DNAH14: variants seen among roughly 807,000 people sequenced by gnomAD.
The protein encoded by DNAH14 is axonemal beta dynein heavy chain 14.
Under a neutral mutation model 520.9 loss-of-function variants are expected in DNAH14, and 478 were observed. That is an observed-to-expected ratio of 0.92 (90% confidence interval 0.85 to 0.99). The LOEUF is 0.99. DNAH14 is among the 50% of genes least tolerant of loss of function. DNAH14 has a pLI of 0.00. For synonymous variants in DNAH14, 1,581 were observed against 1,757.2 expected (o/e 0.90, Z 2.51); for missense variants, 4,831 against 5,234.5 (o/e 0.92, Z 2.38).
chr1:225,316,042 G>T (rs1006413277), intron 60 of DNAH14, among the ~76,000 whole-genome samples: 5 of 152,218 alleles, frequency 3.3e-5, no homozygotes, highest in Non-Finnish European at 5.9e-5. Flanking sequence ...TTTCAGAGAT[G>T]CCCTGCCCAG....
At chr1:225,107,534 T>G (rs1871570) in intron 23 of DNAH14, among the ~76,000 whole-genome samples, 99,911 of 151,954 alleles carry the variant, frequency 0.66, 34,585 homozygotes, top group African/African-American at 0.87. Flanking sequence ...ACATGGAGTG[T>G]TTTTAAGGAA....
At chr1:225,131,415 C>T (rs1213028593) in intron 27 of DNAH14, among the ~76,000 whole-genome samples, 2 of 152,132 alleles carry the variant, frequency 1.3e-5, no homozygotes, top group African/African-American at 4.8e-5. Context: ...TTCCTTGGCT[C>T]ACAGCCCATT....
At chr1:225,076,542 G>A (rs752011301) in intron 17 of DNAH14, among the ~76,000 whole-genome samples, 5 of 152,108 alleles carry the variant, frequency 3.3e-5, no homozygotes, top group South Asian at 2.1e-4. Flanking sequence ...CGATTCCACC[G>A]TCTTGCTCCC....
intron 73 of DNAH14, chr1:225,354,246 A>G: frequency 1.4e-6 from 1 of 702,004 alleles, no homozygotes; most frequent in Non-Finnish European, 2.6e-6. Flanking sequence ...GGGAGAGGCC[A>G]ATGGCTGACC....
At chr1:225,169,913 C>T (rs998006215) in intron 36 of DNAH14, among the ~76,000 whole-genome samples, 53 of 152,312 alleles carry the variant, frequency 3.5e-4, no homozygotes, top group African/African-American at 1.2e-3. Flanking sequence ...AGACTAACAG[C>T]AGATCTCTTG....
chr1:224,964,027 A>G (rs1174343226), intron 4 of DNAH14, among the ~76,000 whole-genome samples: 1 of 152,102 alleles, frequency 6.6e-6, no homozygotes, highest in Non-Finnish European at 1.5e-5. Flanking sequence ...AGACTCTTTC[A>G]AGAAGGAGAA....
Position 225,159,406 on chromosome 1 carries a change from A to G in DNAH14, c.5366A>G (p.Asp1789Gly), listed in dbSNP as rs1449164001. 2.6e-6 allele frequency: 4 copies of G among 1,550,314 alleles called. No individual in the cohort carries two copies. Among genetic ancestry groups the G allele is most frequent in the Non-Finnish European group, 3.5e-6 (4 of 1,146,440 alleles). The change falls in exon 35 of 86, where the codon GAT (aspartate) becomes GGT (glycine). Residue 1789 changes from aspartate to glycine, a missense_variant. By Grantham distance (94) the Asp-to-Gly change is moderately conservative. Transcript: ENST00000682510. ...EASLPKCPPE[D>G]VPLFENIIGD... ...AGTTTGCCAAAATGTCCTCCTGAAG[A>G]TGTCCCACTTTTTGAAAATATTATA...
chr1:225,150,138 T>C (rs2080340265), intron 31 of DNAH14, among the ~76,000 whole-genome samples: 1 of 152,238 alleles, frequency 6.6e-6, no homozygotes, highest in Non-Finnish European at 1.5e-5. Flanking sequence ...AAGCCTTTTC[T>C]GCATCTATTG....
At chr1:225,318,242 A>G (rs2094500113) in intron 60 of DNAH14, among the ~76,000 whole-genome samples, 1 of 152,210 alleles carries the variant, frequency 6.6e-6, no homozygotes, top group South Asian at 2.1e-4. Context: ...GCTGAAGTTT[A>G]AGCTTCGTAG....
At chr1:225,116,580 C>T (rs34457861) in intron 23 of DNAH14, among the ~76,000 whole-genome samples, 37,413 of 151,966 alleles carry the variant, frequency 0.25, 5,525 homozygotes, top group Non-Finnish European at 0.33. Context: ...TATGTAGATC[C>T]AGGGCAGAGA....
At chr1:225,292,813 C>A (rs76074254) in intron 55 of DNAH14, among the ~76,000 whole-genome samples, 2,692 of 152,090 alleles carry the variant, frequency 0.018, 180 homozygotes, top group East Asian at 0.12. Flanking sequence ...GTTCTTTCAT[C>A]TTCTTTGTTC....
At chr1:225,393,133 A>G (rs1171262398) in intron 84 of DNAH14, among the ~76,000 whole-genome samples, 1 of 152,254 alleles carries the variant, frequency 6.6e-6, no homozygotes, top group East Asian at 1.9e-4. Context: ...TTGAAAAAAC[A>G]AAAAGAATGT....
intron 3 of DNAH14, among the ~76,000 whole-genome samples, chr1:224,956,175 T>C (rs2060498220): frequency 6.6e-6 from 1 of 152,174 alleles, no homozygotes; most frequent in Admixed American, 6.5e-5. Flanking sequence ...GTCTCTTTTA[T>C]GGATTTTTAC....
At chr1:225,374,268 ATATT>A (rs1225267241) in intron 77 of DNAH14, among the ~76,000 whole-genome samples, 511 of 49,860 alleles carry the variant, frequency 0.01, 11 homozygotes, top group African/African-American at 0.035. Context: ...ATATATATAT[ATATT>A]TTTTTTTGAG....
At chr1:225,381,302 C>T (rs1184165257) in intron 80 of DNAH14, 81 bp from the exon 81 acceptor site, 1 of 1,381,436 alleles carries the variant, frequency 7.2e-7, no homozygotes, top group Non-Finnish European at 9.7e-7. Flanking sequence ...ATTCCCTTAA[C>T]TTTCAAAGCC....
chr1:225,124,040 A>T (rs1030723264), intron 27 of DNAH14, among the ~76,000 whole-genome samples: 3 of 152,144 alleles, frequency 2.0e-5, no homozygotes, highest in African/African-American at 7.2e-5. Flanking sequence ...GGAGTGAGCC[A>T]CCATGCCTGG....
intron 3 of DNAH14, among the ~76,000 whole-genome samples, chr1:224,959,647 T>C (rs2125549884): frequency 6.6e-6 from 1 of 152,268 alleles, no homozygotes; most frequent in South Asian, 2.1e-4. Context: ...AGACCTTTTG[T>C]TACTTTTCTG....
chr1:225,082,171 G>GGTGTGTGTGTGTGT (rs56658194), intron 19 of DNAH14, among the ~76,000 whole-genome samples: 37,256 of 145,060 alleles, frequency 0.26, 5,428 homozygotes, highest in Non-Finnish European at 0.34. Context: ...GAATGTTTGT[G>GGTGTGTGTGTGTGT]GTGTGTGTGT....
chr1:225,396,824 G>A (rs1181025037), intron 84 of DNAH14: 2 of 152,178 alleles, frequency 1.3e-5, no homozygotes, highest in African/African-American at 2.4e-5. Flanking sequence ...AAAAACCCAT[G>A]TAAGCTATGA....
Sources: gnomAD v4.1 joint callset for allele counts (sites outside exome capture counted in the v4.1 genomes callset) on GRCh38, gnomAD v4.1.1 for gene constraint, MANE v1.5 for transcripts, NCBI Gene and HGNC (gene_info 2026-07-23, HGNC 2026-07-21) for gene names.